Variants in HSF2BP observed in about 807,000 individuals in gnomAD.
HSF2BP encodes the protein heat shock factor 2-binding protein.
A neutral mutation model predicts 35.0 loss-of-function variants in HSF2BP; 35 were observed. The ratio of observed to expected loss-of-function variants is 1.00; its 90% CI spans 0.76 to 1.32. HSF2BP has a LOEUF of 1.32. HSF2BP is among the 40% of genes most tolerant of loss of function. HSF2BP has a pLI of 0.00. For synonymous variants in HSF2BP, 114 were observed against 117.4 expected, an observed-to-expected ratio of 0.97 and a Z score of 0.18; for missense variants, 326 against 321.7, an observed-to-expected ratio of 1.01 and a Z score of -0.10.
At chr21:43,496,043 G>A in the HSF2BP span, among the ~76,000 whole-genome samples, 24 of 128,676 alleles carry the variant, frequency 1.9e-4, 4 homozygotes, top group Middle Eastern at 3.9e-3. Flanking sequence ...ACACACACAC[G>A]CACACAGCAC....
At chr21:43,574,294 C>T (rs1452879984) in intron 8 of HSF2BP, among the ~76,000 whole-genome samples, 3 of 152,218 alleles carry the variant, frequency 2.0e-5, no homozygotes, top group South Asian at 2.1e-4. Flanking sequence ...CAAATCTACA[C>T]GTTGGGTGAT....
intron 4 of HSF2BP, among the ~76,000 whole-genome samples, chr21:43,635,237 T>A (rs887817137): frequency 6.6e-6 from 1 of 152,176 alleles, no homozygotes; most frequent in Non-Finnish European, 1.5e-5. Flanking sequence ...GTTCAAAAAT[T>A]GGCAGGATGT....
intron 8 of HSF2BP, among the ~76,000 whole-genome samples, chr21:43,575,524 C>A (rs1423063781): frequency 6.6e-6 from 1 of 152,252 alleles, no homozygotes; most frequent in Non-Finnish European, 1.5e-5. Flanking sequence ...AAATAACTTA[C>A]ACTTGACTAG....
chr21:43,634,737 T>C (rs2082529044), intron 4 of HSF2BP, among the ~76,000 whole-genome samples: 2 of 152,202 alleles, frequency 1.3e-5, no homozygotes, highest in Non-Finnish European at 2.9e-5. Flanking sequence ...CTCTGGCACA[T>C]GCTAATACTG....
At chr21:43,648,418 C>T (rs771946587) in intron 3 of HSF2BP, among the ~76,000 whole-genome samples, 6 of 152,218 alleles carry the variant, frequency 3.9e-5, no homozygotes, top group African/African-American at 1.4e-4. Flanking sequence ...CAACGCCTCT[C>T]GCCACGTCTG....
At chr21:43,578,773 G>A (rs986029438) in intron 8 of HSF2BP, among the ~76,000 whole-genome samples, 8 of 152,216 alleles carry the variant, frequency 5.3e-5, no homozygotes, top group African/African-American at 1.2e-4. Context: ...GGGCTAGGGC[G>A]CCTACCCTGT....
intron 3 of HSF2BP, among the ~76,000 whole-genome samples, chr21:43,649,568 A>C (rs1007067996): frequency 1.3e-5 from 2 of 152,210 alleles, no homozygotes; most frequent in African/African-American, 4.8e-5. Flanking sequence ...ACATATAAAC[A>C]AATTTTAAAA....
At chr21:43,610,146 A>G (rs1184304033) in intron 7 of HSF2BP, among the ~76,000 whole-genome samples, 4 of 152,188 alleles carry the variant, frequency 2.6e-5, no homozygotes, top group Admixed American at 2.6e-4. Flanking sequence ...ATGCAGCCCA[A>G]CAGGAAAGTG....
intron 4 of HSF2BP, among the ~76,000 whole-genome samples, chr21:43,641,740 G>A (rs890471887): frequency 2.6e-5 from 4 of 151,980 alleles, no homozygotes; most frequent in African/African-American, 9.7e-5. Flanking sequence ...CTGAGGTCAG[G>A]AGTTCAAGAC....
chr21:43,580,088 G>A (rs1310511760), intron 8 of HSF2BP, among the ~76,000 whole-genome samples: 2 of 151,904 alleles, frequency 1.3e-5, no homozygotes, highest in African/African-American at 4.8e-5. Flanking sequence ...GCCTCCCCGT[G>A]TCATGTTCCC....
At chr21:43,610,065 C>T (rs193179105) in intron 7 of HSF2BP, 1 of 152,354 alleles carries the variant, frequency 6.6e-6, no homozygotes, top group Non-Finnish European at 1.5e-5. Context: ...CTTGTACAGA[C>T]CACAGAAGCA....
rs540071183 is a variant in HSF2BP, at chr21:43,629,653, T to C, written c.574+669A>G. Among the ~76,000 whole-genome samples, 19 of 152,314 alleles carry C rather than the reference T, an allele frequency of 1.2e-4. No individual in the cohort carries two copies. The South Asian group carries it at 3.9e-3, about 32-fold the overall frequency. ...TGGATGACTTTGAAGGGTTCATGACTTCAGTGGAGTAAGTAACTACAGACG... is the reference window on the plus strand; with the variant it reads ...TGGATGACTTTGAAGGGTTCATGACCTCAGTGGAGTAAGTAACTACAGACG... On this transcript the variant is annotated intron_variant, in intron 6 of 8. Coordinates refer to ENST00000291560, the MANE Select transcript of HSF2BP (RefSeq NM_007031.2).
At chr21:43,651,849 G>C (rs2082790676) in intron 3 of HSF2BP, among the ~76,000 whole-genome samples, 1 of 152,110 alleles carries the variant, frequency 6.6e-6, no homozygotes, top group Non-Finnish European at 1.5e-5. Context: ...AAGACTCTCA[G>C]GCAACACCTT....
chr21:43,614,021 T>A, intron 6 of HSF2BP, 74 bp from the exon 7 acceptor site: 1 of 1,034,652 alleles, frequency 9.7e-7, no homozygotes, highest in Non-Finnish European at 1.5e-6. Context: ...CAGAACAGAG[T>A]ATTTTCTCCT....
chr21:43,606,107 C>T lies in HSF2BP; in HGVS notation c.692+7723G>A, dbSNP rs540243415. Among the ~76,000 whole-genome samples the T allele has an allele frequency of 6.2e-4, 95 of 152,236 alleles. 1 individual carries two copies. In the South Asian group the frequency reaches 0.019, roughly 30 times the overall value. On this transcript the variant is annotated intron_variant, in intron 7 of 8. Transcript: ENST00000291560. ...CAGAGCAGGAAGTAAAGCCGCCTGC[C>T]GGGACACCCACCTACCAAGGAAGAG...
chr21:43,589,733 A>C (rs1198208946), intron 8 of HSF2BP, among the ~76,000 whole-genome samples: 1 of 152,214 alleles, frequency 6.6e-6, no homozygotes, highest in East Asian at 1.9e-4. Context: ...ACTGTCAACA[A>C]GGTGCAAAGG....
the HSF2BP span, chr21:43,467,368 G>A: frequency 1.9e-5 from 1 of 52,292 alleles, no homozygotes; most frequent in Admixed American, 2.2e-4. Context: ...GAGGGGTCCC[G>A]AGCTTTCCGG....
In HSF2BP at chr21:43,644,318, C is replaced by T. The variant is rs1009896240; in HGVS notation, c.262G>A (p.Val88Met). The T allele has an allele frequency of 8.1e-6, 13 of 1,613,824 alleles. No homozygotes were observed. The highest frequency in any genetic ancestry group is 5.3e-5 in the African/African-American group (4 of 74,936). The change falls in exon 4 of 9, where the codon GTG (valine) becomes ATG (methionine). Residue 88 changes from valine (V) to methionine (M), a missense_variant. Transcript: ENST00000291560. ...CEHFKARLET[V>M]QADNIREKKE... ...TTCTCTCTTATGTTGTCGGCCTGCACGGTTTCCAGGCGGGCTTTAAAGTGC... is the reference window on the plus strand; with the variant it reads ...TTCTCTCTTATGTTGTCGGCCTGCATGGTTTCCAGGCGGGCTTTAAAGTGC...
the HSF2BP span, among the ~76,000 whole-genome samples, chr21:43,505,819 C>A: frequency 6.3e-5 from 8 of 125,988 alleles, 2 homozygotes; most frequent in African/African-American, 2.2e-4. Flanking sequence ...TGTTTGCCAG[C>A]CAAATCACTG....
Sources: gnomAD v4.1 joint callset for allele counts (sites outside exome capture counted in the v4.1 genomes callset) on GRCh38, gnomAD v4.1.1 for gene constraint, MANE v1.5 for transcripts, NCBI Gene and HGNC (gene_info 2026-07-23, HGNC 2026-07-21) for gene names.